LCLAT1: variants seen among roughly 807,000 people sequenced by gnomAD.
The protein encoded by LCLAT1 is 1-AGP acyltransferase 8.
Under a neutral mutation model 30.7 loss-of-function variants are expected in LCLAT1, and 11 were observed. That is an observed-to-expected ratio of 0.36 (90% CI 0.23 to 0.59). The LOEUF is 0.59. LCLAT1 is among the 20% of genes least tolerant of loss of function. The pLI is 0.77. For synonymous variants in LCLAT1, 155 were observed against 151.3 expected (o/e 1.02, Z -0.18); for missense variants, 402 against 458.6 (o/e 0.88, Z 1.13).
intron 5 of LCLAT1, among the ~76,000 whole-genome samples, chr2:30,578,487 C>T (rs748511830): frequency 9.9e-5 from 15 of 152,078 alleles, no homozygotes; most frequent in Non-Finnish European, 2.1e-4. Flanking sequence ...TAAGGCAAAA[C>T]GGTCTTTCCT....
At chr2:30,458,409 G>T (rs1681938954) in intron 1 of LCLAT1, among the ~76,000 whole-genome samples, 1 of 152,192 alleles carries the variant, frequency 6.6e-6, no homozygotes, top group Admixed American at 6.5e-5. Flanking sequence ...AAGGACCTTG[G>T]TAGATTTGGG....
intron 1 of LCLAT1, among the ~76,000 whole-genome samples, chr2:30,452,666 A>G (rs1295745003): frequency 6.6e-6 from 1 of 152,150 alleles, no homozygotes; most frequent in Non-Finnish European, 1.5e-5. Context: ...ATTATGAAAT[A>G]TGGTCTTTGT....
chr2:30,605,132 A>G (rs1449946133), intron 5 of LCLAT1, among the ~76,000 whole-genome samples: 2 of 152,236 alleles, frequency 1.3e-5, no homozygotes. Context: ...AAAAAGACCA[A>G]AATGTTTGTG....
chr2:30,480,058 G>A (rs1410488645), intron 1 of LCLAT1, among the ~76,000 whole-genome samples: 1 of 152,118 alleles, frequency 6.6e-6, no homozygotes, highest in Non-Finnish European at 1.5e-5. Flanking sequence ...AAACACATTG[G>A]AGGCTATTTA....
At chr2:30,531,320 T>C (rs1236607174) in intron 2 of LCLAT1, among the ~76,000 whole-genome samples, 2 of 152,182 alleles carry the variant, frequency 1.3e-5, no homozygotes, top group African/African-American at 4.8e-5. Flanking sequence ...CCTGTAGGAC[T>C]CTGCCATGAT....
intron 1 of LCLAT1, among the ~76,000 whole-genome samples, chr2:30,517,507 G>A (rs1398095074): frequency 6.6e-6 from 1 of 152,194 alleles, no homozygotes; most frequent in African/African-American, 2.4e-5. Flanking sequence ...CCAAGCCTCA[G>A]CTCCTTGGCC....
At chr2:30,609,069 T>C (rs1230885814) in intron 5 of LCLAT1, among the ~76,000 whole-genome samples, 1 of 151,244 alleles carries the variant, frequency 6.6e-6, no homozygotes, top group Non-Finnish European at 1.5e-5. Context: ...TGATATTTTC[T>C]GGGTTTCCTC....
At chr2:30,455,676 T>C (rs1039082270) in intron 1 of LCLAT1, among the ~76,000 whole-genome samples, 6 of 152,092 alleles carry the variant, frequency 3.9e-5, no homozygotes, top group African/African-American at 1.4e-4. Context: ...GAAACCATCC[T>C]CTGGGAGGAT....
intron 1 of LCLAT1, among the ~76,000 whole-genome samples, chr2:30,470,543 T>C (rs1682724696): frequency 6.6e-6 from 1 of 152,238 alleles, no homozygotes; most frequent in Non-Finnish European, 1.5e-5. Context: ...GCTTGGCCTA[T>C]GTGCAGGAAT....
At chr2:30,555,708 T>A (rs1313027858) in intron 3 of LCLAT1, among the ~76,000 whole-genome samples, 1 of 152,132 alleles carries the variant, frequency 6.6e-6, no homozygotes, top group Non-Finnish European at 1.5e-5. Flanking sequence ...TAGAATTAGA[T>A]GTTTAAATAC....
Position 30,558,761 on chromosome 2 carries a change from G to A in LCLAT1, c.365-3385G>A, listed in dbSNP as rs368099559. Among the ~76,000 whole-genome samples the A allele has an allele frequency of 1.2e-3, 178 of 152,256 alleles. 5 individuals are homozygous for A. The South Asian group carries it at 0.036, about 30-fold the overall frequency. On this transcript the variant is annotated intron_variant, in intron 3 of 5. Coordinates refer to ENST00000379509, the MANE Select transcript of LCLAT1 (RefSeq NM_001002257.3). ...CTGAACGATCATACATTTTCAGTGG[G>A]AGTGGCAATTGGTATAATCACTTTG... is the stretch of plus-strand genomic sequence containing the variant.
chr2:30,575,257 CT>C (rs1345456158), intron 5 of LCLAT1, among the ~76,000 whole-genome samples: 11 of 151,454 alleles, frequency 7.3e-5, no homozygotes, highest in African/African-American at 2.2e-4. Flanking sequence ...TTTTGGTGGC[CT>C]TTTTTTTTTG....
Position 30,476,012 on chromosome 2 carries a change from C to T in LCLAT1, c.-5+28629C>T, listed in dbSNP as rs77396642. ...TCTAGCTTCCATATAAACCAGTAGT[C>T]GTCAGCCAATAAATATTGAACATTC... On this transcript the variant is annotated intron_variant, in intron 1 of 5. Coordinates refer to ENST00000379509, the MANE Select transcript of LCLAT1 (RefSeq NM_001002257.3). Among the ~76,000 whole-genome samples, 1,220 of 152,226 alleles carry T rather than the reference C, an allele frequency of 8.0e-3. 14 individuals are homozygous for T. Among genetic ancestry groups the T allele is most frequent in the African/African-American group, 0.026 (1,077 of 41,532 alleles).
At chr2:30,511,059 A>G (rs1684916768) in intron 1 of LCLAT1, among the ~76,000 whole-genome samples, 1 of 151,986 alleles carries the variant, frequency 6.6e-6, no homozygotes, top group African/African-American at 2.4e-5. Flanking sequence ...TTAGTCTCTA[A>G]TGTCATGTTA....
In LCLAT1 at chr2:30,640,269, G is replaced by T. The variant is rs1441144917; in HGVS notation, c.781G>T (p.Asp261Tyr). The change falls in exon 6 of 6, where the codon GAC (aspartate) becomes TAC (tyrosine). Residue 261 changes from aspartate (D) to tyrosine (Y), a missense_variant. By Grantham distance (160) the Asp-to-Tyr change is radical (BLOSUM62 -3). Coordinates refer to ENST00000379509, the MANE Select transcript of LCLAT1 (RefSeq NM_001002257.3). The part of the protein sequence containing the change: ...PIDTLPTSKE[D>Y]LQLWCHKRWE... Reference sequence around the variant, plus strand: ...AGACACCCTCCCCACATCCAAGGAGGACCTTCAACTCTGGTGCCACAAACG... The same window carrying T: ...AGACACCCTCCCCACATCCAAGGAGTACCTTCAACTCTGGTGCCACAAACG... 1 of 1,614,168 alleles carries T rather than the reference G, an allele frequency of 6.2e-7. No individual in the cohort carries two copies. Among genetic ancestry groups the T allele is most frequent in the Admixed American group, 1.7e-5 (1 of 60,020 alleles).
intron 1 of LCLAT1, among the ~76,000 whole-genome samples, chr2:30,483,065 G>T (rs1246176942): frequency 6.6e-6 from 1 of 152,134 alleles, no homozygotes; most frequent in Non-Finnish European, 1.5e-5. Flanking sequence ...AATAAATTTG[G>T]ACTTTAGTTA....
At chr2:30,603,282 TA>T (rs1667277766) in intron 5 of LCLAT1, among the ~76,000 whole-genome samples, 4 of 152,000 alleles carry the variant, frequency 2.6e-5, no homozygotes, top group African/African-American at 7.2e-5. Flanking sequence ...TTTAGAATTT[TA>T]AAAAAACCTA....
chr2:30,611,276 T>C (rs575783296), intron 5 of LCLAT1, among the ~76,000 whole-genome samples: 3 of 152,272 alleles, frequency 2.0e-5, no homozygotes, highest in Admixed American at 2.0e-4. Flanking sequence ...AAAGCATATA[T>C]TCTAATTTGC....
intron 2 of LCLAT1, among the ~76,000 whole-genome samples, chr2:30,532,480 A>C (rs1025974074): frequency 8.0e-6 from 1 of 124,512 alleles, no homozygotes; most frequent in Non-Finnish European, 1.8e-5. Context: ...ATAAGTCTAT[A>C]ATATATTGTT....
Sources: gnomAD v4.1 joint callset for allele counts (sites outside exome capture counted in the v4.1 genomes callset) on GRCh38, gnomAD v4.1.1 for gene constraint, MANE v1.5 for transcripts, NCBI Gene and HGNC (gene_info 2026-07-23, HGNC 2026-07-21) for gene names.